MAP2K1: variants seen among roughly 807,000 people sequenced by gnomAD.
The protein encoded by MAP2K1 is dual specificity mitogen-activated protein kinase kinase 1.
Under a neutral mutation model 46.3 loss-of-function variants are expected in MAP2K1, and 16 were observed. That is an observed-to-expected ratio of 0.35 (90% CI 0.23 to 0.52). MAP2K1 has a LOEUF of 0.52. Ranked by LOEUF, MAP2K1 falls within the 20% of genes least tolerant of loss-of-function variation. The pLI is 0.94. For synonymous variants in MAP2K1, 183 were observed against 185.6 expected, an observed-to-expected ratio of 0.99 and a Z score of 0.11; for missense variants, 263 against 497.1, an observed-to-expected ratio of 0.53 and a Z score of 4.48.
intron 2 of MAP2K1, 107 bp downstream of exon 2, chr15:66,435,344 T>G: frequency 1.1e-6 from 1 of 895,422 alleles, no homozygotes; most frequent in Non-Finnish European, 1.7e-6. Context: ...CTTTTTGTGC[T>G]GTTTGAATTT....
At chr15:66,389,653 C>G (rs773875496) in intron 1 of MAP2K1, among the ~76,000 whole-genome samples, 3 of 146,518 alleles carry the variant, frequency 2.0e-5, no homozygotes, top group Non-Finnish European at 3.0e-5. Flanking sequence ...CGGCTCACCA[C>G]AACCTCCACC....
At chr15:66,459,666 G>T (rs1043129145) in intron 5 of MAP2K1, among the ~76,000 whole-genome samples, 1 of 151,980 alleles carries the variant, frequency 6.6e-6, no homozygotes, top group African/African-American at 2.4e-5. Context: ...GGAGAGCTGG[G>T]AGTCTCCAAA....
Position 66,443,533 on chromosome 15 carries a change from A to G in MAP2K1, c.516+176A>G, listed in dbSNP as rs148929309. 3.0e-3 allele frequency among the ~76,000 whole-genome samples: 450 copies of G among 151,662 alleles called. 1 individual carries two copies. Among genetic ancestry groups the G allele is most frequent in the African/African-American group, 0.01 (416 of 41,334 alleles). ...GTCTATATACACTATTCTCTCTCACATTAGAATGAGAAAAGTGACTTTCTT... is the reference window on the plus strand; with the variant it reads ...GTCTATATACACTATTCTCTCTCACGTTAGAATGAGAAAAGTGACTTTCTT... On this transcript the variant is annotated intron_variant, in intron 4 of 10. Coordinates refer to ENST00000307102, the MANE Select transcript of MAP2K1 (RefSeq NM_002755.4).
intron 5 of MAP2K1, among the ~76,000 whole-genome samples, chr15:66,462,596 T>C (rs920449526): frequency 7.6e-6 from 1 of 131,442 alleles, no homozygotes; most frequent in Non-Finnish European, 1.6e-5. Context: ...AATATTTAGA[T>C]TTTTCTGAAA....
chr15:66,434,909 T>G, intron 1 of MAP2K1, 118 bp from the exon 2 acceptor site: 2 of 798,000 alleles, frequency 2.5e-6, no homozygotes, highest in Non-Finnish European at 4.5e-6. Context: ...CTCTCTAGCC[T>G]CCCACTTTGA....
At chr15:66,414,117 G>T (rs1159128349) in intron 1 of MAP2K1, among the ~76,000 whole-genome samples, 1 of 151,856 alleles carries the variant, frequency 6.6e-6, no homozygotes, top group East Asian at 1.9e-4. Flanking sequence ...GAGCCTGCAG[G>T]TTATCTCCAA....
At chr15:66,405,555 G>A (rs898348777) in intron 1 of MAP2K1, among the ~76,000 whole-genome samples, 1 of 152,158 alleles carries the variant, frequency 6.6e-6, no homozygotes, top group Non-Finnish European at 1.5e-5. Context: ...AGGAAGTAAC[G>A]TTCAGCATCA....
At chr15:66,453,389 C>A in intron 5 of MAP2K1, 2 of 674,830 alleles carry the variant, frequency 3.0e-6, no homozygotes, top group South Asian at 3.1e-5. Context: ...AAAGGGAAGT[C>A]ACTAGAAGGA....
intron 1 of MAP2K1, among the ~76,000 whole-genome samples, chr15:66,420,748 T>C (rs1364839005): frequency 1.8e-5 from 1 of 55,332 alleles, no homozygotes; most frequent in Non-Finnish European, 4.3e-5. Flanking sequence ...TGTGTGTGTG[T>C]GTGTGTGTGT....
intron 7 of MAP2K1, among the ~76,000 whole-genome samples, chr15:66,485,892 G>T (rs886730892): frequency 2.0e-5 from 3 of 151,336 alleles, no homozygotes; most frequent in East Asian, 3.9e-4. Flanking sequence ...TAATTTGTGG[G>T]TTTTTTTTGT....
chr15:66,446,657 A>G, intron 5 of MAP2K1: 1 of 399,214 alleles, frequency 2.5e-6, no homozygotes, highest in South Asian at 2.0e-5. Context: ...CTCTTGCCCA[A>G]ATAGAATTCT....
intron 5 of MAP2K1, among the ~76,000 whole-genome samples, chr15:66,479,063 G>A (rs1296648374): frequency 1.3e-5 from 2 of 151,940 alleles, no homozygotes; most frequent in Non-Finnish European, 2.9e-5. Context: ...GTGTGACTTT[G>A]AACAAGTTGC....
chr15:66,449,003 C>CAAAAAAAA (rs59398424), intron 5 of MAP2K1, among the ~76,000 whole-genome samples: 47 of 47,834 alleles, frequency 9.8e-4, no homozygotes, highest in Non-Finnish European at 1.1e-3. Context: ...GACACTGTCT[C>CAAAAAAAA]AAAAAAAAAA....
intron 9 of MAP2K1, 141 bp downstream of exon 9, chr15:66,489,417 A>G (rs1007615425): frequency 7.2e-6 from 6 of 835,128 alleles, no homozygotes; most frequent in South Asian, 4.2e-5. Context: ...GGCTGCTGCC[A>G]TAAGCCCTTT....
At chr15:66,400,963 A>G (rs544845187) in intron 1 of MAP2K1, among the ~76,000 whole-genome samples, 1 of 152,218 alleles carries the variant, frequency 6.6e-6, no homozygotes, top group Non-Finnish European at 1.5e-5. Flanking sequence ...AATACCTTCT[A>G]AAGAAAAAAC....
intron 1 of MAP2K1, among the ~76,000 whole-genome samples, chr15:66,415,766 C>A (rs1323354907): frequency 3.3e-5 from 5 of 152,016 alleles, no homozygotes; most frequent in Non-Finnish European, 7.4e-5. Context: ...ATTCCATTTT[C>A]GTTAAACAAA....
intron 1 of MAP2K1, among the ~76,000 whole-genome samples, chr15:66,427,451 C>T (rs762894536): frequency 6.6e-6 from 1 of 151,258 alleles, no homozygotes; most frequent in Non-Finnish European, 1.5e-5. Flanking sequence ...CCCAGTTGCT[C>T]AGGAGGCTGA....
intron 1 of MAP2K1, among the ~76,000 whole-genome samples, chr15:66,398,363 G>A (rs555357910): frequency 2.0e-5 from 3 of 152,138 alleles, no homozygotes; most frequent in Admixed American, 6.5e-5. Context: ...TGCAGTGAGC[G>A]GTAATCGTGC....
intron 9 of MAP2K1, 71 bp downstream of exon 9, chr15:66,489,347 G>A: frequency 1.4e-6 from 2 of 1,387,338 alleles, no homozygotes; most frequent in South Asian, 1.2e-5. Context: ...ATTTCTGGAA[G>A]CACCAGCATT....
Sources: allele counts gnomAD v4.1 joint callset (sites outside exome capture counted in the v4.1 genomes callset), GRCh38; gene constraint gnomAD v4.1.1; transcripts MANE v1.5; gene names NCBI Gene and HGNC (gene_info 2026-07-23, HGNC 2026-07-21).